The following CASK variants were observed in gnomAD, a reference collection of about 807,000 sequenced individuals.
CASK encodes calcium/calmodulin dependent serine protein kinase, also known as peripheral plasma membrane protein CASK.
Under a neutral mutation model 82.9 loss-of-function variants are expected in CASK, and 4 were observed. The observed-to-expected ratio is 0.05, with a 90% CI of 0.02 to 0.11. The LOEUF is 0.11. Among genes scored for constraint, CASK ranks in the 10% least tolerant of loss-of-function variants. The probability of loss-of-function intolerance (pLI) is 1.00; values close to 1 mark genes in which losing one functional copy is unlikely to be tolerated. For synonymous variants in CASK, 259 were observed against 253.5 expected (o/e 1.02, Z -0.20); for missense variants, 358 against 720.9 (o/e 0.50, Z 5.76).
intron 2 of CASK, among the ~76,000 whole-genome samples, chrX:41,804,368 C>T (rs1302458045): frequency 9.0e-6 from 1 of 111,362 alleles, no homozygotes; most frequent in Non-Finnish European, 1.9e-5. Flanking sequence ...AACCAACCAA[C>T]CCTCAATAGG....
At chrX:41,724,137 C>G (rs974604967) in intron 5 of CASK, 7 of 112,271 alleles carry the variant, frequency 6.2e-5, no homozygotes, top group African/African-American at 2.3e-4. Flanking sequence ...GTTTAATTTC[C>G]CCTTTTCCTC....
chrX:41,829,246 C>G (rs1055591036), intron 2 of CASK, among the ~76,000 whole-genome samples: 1 of 111,067 alleles, frequency 9.0e-6, no homozygotes, highest in Admixed American at 9.6e-5. Context: ...CAGAACATGA[C>G]CAGCACCTCC....
At chrX:41,788,112 G>A (rs1231951429) in intron 2 of CASK, among the ~76,000 whole-genome samples, 1 of 102,329 alleles carries the variant, frequency 9.8e-6, no homozygotes, top group African/African-American at 3.6e-5. Context: ...AGCCGGGATC[G>A]CGTCATTGCA....
At chrX:41,622,037 G>A (rs1362818071) in intron 11 of CASK, among the ~76,000 whole-genome samples, 3 of 112,032 alleles carry the variant, frequency 2.7e-5, no homozygotes, top group Non-Finnish European at 5.6e-5. Context: ...ACTCAACTGT[G>A]TGTACATTTC....
At chrX:41,698,552 A>G (rs753793093) in intron 5 of CASK, among the ~76,000 whole-genome samples, 2 of 111,635 alleles carry the variant, frequency 1.8e-5, no homozygotes, top group Non-Finnish European at 3.8e-5. Flanking sequence ...CTTACAAGAA[A>G]AAAAGTTGGG....
chrX:41,579,287 G>A (rs186914587), intron 14 of CASK, among the ~76,000 whole-genome samples: 1 of 112,106 alleles, frequency 8.9e-6, no homozygotes, highest in Non-Finnish European at 1.9e-5. Context: ...TATCACGTAT[G>A]ATATGGAACT....
chrX:41,591,270 G>C (rs1028295265), intron 12 of CASK, among the ~76,000 whole-genome samples: 1 of 111,483 alleles, frequency 9.0e-6, no homozygotes, highest in Non-Finnish European at 1.9e-5. Context: ...CTAGCCTATA[G>C]AAATGAATTG....
intron 3 of CASK, among the ~76,000 whole-genome samples, chrX:41,755,823 T>A (rs2068883806): frequency 8.9e-6 from 1 of 111,831 alleles, no homozygotes; most frequent in South Asian, 3.7e-4. Context: ...TAGAAATAAA[T>A]CTAAAAGAAA....
intron 1 of CASK, among the ~76,000 whole-genome samples, chrX:41,892,218 G>T (rs1264453212): frequency 9.4e-6 from 1 of 106,688 alleles, no homozygotes; most frequent in African/African-American, 3.4e-5. Context: ...ATAGTTCAAC[G>T]AGAATTTTTT....
intron 21 of CASK, among the ~76,000 whole-genome samples, chrX:41,544,427 G>T (rs1240735976): frequency 9.1e-6 from 1 of 110,150 alleles, no homozygotes; most frequent in Non-Finnish European, 1.9e-5. Context: ...GTAGCTGGGT[G>T]TGGTGGCATG....
At chrX:41,856,567 C>A (rs2071373708) in intron 1 of CASK, among the ~76,000 whole-genome samples, 1 of 110,725 alleles carries the variant, frequency 9.0e-6, no homozygotes, top group South Asian at 3.9e-4. Flanking sequence ...TACTCCATAC[C>A]ATGGATAACT....
At chrX:41,639,925 A>G (rs1453047483) in intron 8 of CASK, among the ~76,000 whole-genome samples, 2 of 111,818 alleles carry the variant, frequency 1.8e-5, no homozygotes, top group Non-Finnish European at 3.8e-5. Flanking sequence ...TTCCTTTTTA[A>G]CACTGAGTGG....
intron 24 of CASK, among the ~76,000 whole-genome samples, chrX:41,533,165 G>C (rs1174935452): frequency 1.8e-5 from 2 of 111,719 alleles, no homozygotes; most frequent in Non-Finnish European, 3.8e-5. Context: ...TCAGTAGTTA[G>C]ATATATGTTA....
chrX:41,728,783 TAAG>T (rs2068314410), intron 5 of CASK: 1 of 122,903 alleles, frequency 8.1e-6, no homozygotes, highest in Non-Finnish European at 1.9e-5. Flanking sequence ...AAAAAATAAA[TAAG>T]AAATATCCTC....
At chrX:41,801,733 A>T (rs893599413) in intron 2 of CASK, among the ~76,000 whole-genome samples, 2 of 111,465 alleles carry the variant, frequency 1.8e-5, no homozygotes, top group African/African-American at 6.5e-5. Context: ...TTGGCCAAGC[A>T]AATTATCCTT....
chrX:41,540,490 A>T (rs1326938878), intron 22 of CASK, among the ~76,000 whole-genome samples: 1 of 112,553 alleles, frequency 8.9e-6, no homozygotes, highest in African/African-American at 3.2e-5. Flanking sequence ...AGAACCTGAG[A>T]CCCACTGATC....
At chrX:41,812,083 T>C (rs2070301795) in intron 2 of CASK, among the ~76,000 whole-genome samples, 1 of 111,601 alleles carries the variant, frequency 9.0e-6, no homozygotes. Flanking sequence ...GCTCTGAAAT[T>C]GAGGCAATAA....
chrX:41,751,943 G>A (rs2068797998), intron 3 of CASK, among the ~76,000 whole-genome samples: 1 of 108,867 alleles, frequency 9.2e-6, no homozygotes, highest in African/African-American at 3.3e-5. Context: ...CTACTCAAGA[G>A]GCTGAGGTGG....
intron 3 of CASK, among the ~76,000 whole-genome samples, chrX:41,747,263 C>G (rs2068701298): frequency 9.0e-6 from 1 of 110,591 alleles, no homozygotes. Flanking sequence ...TTATAGTTGC[C>G]TAGTCTACTA....
Sources: gnomAD v4.1 joint callset for allele counts (sites outside exome capture counted in the v4.1 genomes callset) on GRCh38, gnomAD v4.1.1 for gene constraint, MANE v1.5 for transcripts, NCBI Gene and HGNC (gene_info 2026-07-23, HGNC 2026-07-21) for gene names.